Variants in AMZ1 observed in about 807,000 individuals in gnomAD.
AMZ1 encodes archaelysin family metallopeptidase 1, also known as archaemetzincin-1.
In AMZ1, 39 loss-of-function variants were observed where a neutral mutation model predicts 29.9. That is an observed-to-expected ratio of 1.30 (90% CI 1.01 to 1.70). The LOEUF (loss-of-function observed/expected upper bound fraction) is 1.70. Ranked by LOEUF, AMZ1 falls within the 40% of genes most tolerant of loss-of-function variation. The probability of loss-of-function intolerance (pLI) is 0.00; values close to 1 mark genes in which losing one functional copy is unlikely to be tolerated. For synonymous variants in AMZ1, 458 were observed against 304.0 expected (o/e 1.51, Z -5.27); for missense variants, 1,041 against 680.6 (o/e 1.53, Z -5.89).
intron 4 of AMZ1, among the ~76,000 whole-genome samples, chr7:2,748,315 T>C (rs1056415198): frequency 2.5e-4 from 38 of 152,108 alleles, no homozygotes; most frequent in Non-Finnish European, 4.6e-4. Context: ...AACAGACACA[T>C]AGACCAATGG....
At chr7:2,722,704 A>T (rs896714677), downstream of AMZ1, among the ~76,000 whole-genome samples, 1 of 152,170 alleles carries the variant, frequency 6.6e-6, no homozygotes, top group Non-Finnish European at 1.5e-5. Context: ...GGGTGCAGCG[A>T]CTCATGCCTG....
At chr7:2,725,966 C>T (rs550246214) in intron 4 of AMZ1, among the ~76,000 whole-genome samples, 5 of 152,354 alleles carry the variant, frequency 3.3e-5, no homozygotes, top group South Asian at 2.1e-4. Context: ...CTCCCCTGAA[C>T]GCCAAGGCTT....
At chr7:2,759,879 C>T (rs558231313), upstream of AMZ1, among the ~76,000 whole-genome samples, 27 of 152,372 alleles carry the variant, frequency 1.8e-4, no homozygotes, top group African/African-American at 5.5e-4. Flanking sequence ...CAGAGCCCCA[C>T]GGCCAGCTGA....
At chr7:2,736,746 G>A (rs1445244562) in intron 4 of AMZ1, among the ~76,000 whole-genome samples, 12 of 152,188 alleles carry the variant, frequency 7.9e-5, no homozygotes, top group Admixed American at 7.8e-4. Context: ...ACACACGCTC[G>A]GCTTGCTGCC....
Position 2,712,986 on chromosome 7 carries a change from G to GAGCCACCACCCAGGCA in AMZ1, c.*108_*109insAGCCACCACCCAGGCA. On this transcript the variant is annotated 3_prime_UTR_variant, in exon 7 of 7. Transcript: ENST00000683327. Reference sequence around the variant, plus strand: ...AGGGATAAAGAGGAAGGGTCTGCCTGGGTGGTGGCTCAGGCCTGTCATCCC... The same window carrying GAGCCACCACCCAGGCA: ...AGGGATAAAGAGGAAGGGTCTGCCTGAGCCACCACCCAGGCAGGTGGTGGCTCAGGCCTGTCATCCC... 2 of 1,264,120 alleles carry GAGCCACCACCCAGGCA rather than the reference G, an allele frequency of 1.6e-6. No homozygotes were observed. The highest frequency in any genetic ancestry group is 2.1e-6 in the Non-Finnish European group (2 of 968,950). 78.3% of individuals were successfully genotyped at this position (1,264,120 alleles called of 1,614,324 possible). A position where few individuals can be genotyped will look rare whatever the true frequency, so the allele number is the denominator to read the frequency against.
intron 5 of AMZ1, 62 bp downstream of exon 5, chr7:2,709,306 C>T (rs1788593011): frequency 2.1e-6 from 3 of 1,429,768 alleles, no homozygotes; most frequent in Admixed American, 2.9e-5. Context: ...GCCCTTGGTG[C>T]CTCGGTCTGT....
intron 4 of AMZ1, among the ~76,000 whole-genome samples, chr7:2,727,856 G>C (rs1231061769): frequency 2.0e-5 from 3 of 151,776 alleles, no homozygotes; most frequent in Admixed American, 6.6e-5. Context: ...AGGAGATAGA[G>C]ACCACCCTGG....
intron 1 of AMZ1, among the ~76,000 whole-genome samples, chr7:2,689,357 G>A (rs926690187): frequency 1.3e-5 from 2 of 149,164 alleles, no homozygotes; most frequent in African/African-American, 4.9e-5. Flanking sequence ...TGCTTAGAGC[G>A]GCAGAACCTC....
chr7:2,733,535 T>C, intron 4 of AMZ1: 1 of 1,538,724 alleles, frequency 6.5e-7, no homozygotes, highest in Non-Finnish European at 9.0e-7. Flanking sequence ...CAGCTCAGTC[T>C]GGACTGAGGA....
At chr7:2,763,173 G>A, upstream of AMZ1, 2 of 822,058 alleles carry the variant, frequency 2.4e-6, no homozygotes, top group Non-Finnish European at 3.1e-6. Context: ...AGGTTAGCAG[G>A]ACTTCACAAG....
At chr7:2,685,426 C>T (rs556424680), upstream of AMZ1, among the ~76,000 whole-genome samples, 3 of 151,772 alleles carry the variant, frequency 2.0e-5, no homozygotes, top group African/African-American at 4.8e-5. Context: ...GGCGAGGTGA[C>T]GGGCACCTGT....
intron 4 of AMZ1, among the ~76,000 whole-genome samples, chr7:2,737,298 T>G (rs1291824033): frequency 1.7e-5 from 2 of 114,354 alleles, no homozygotes; most frequent in African/African-American, 7.1e-5. Context: ...TGTTTTTTTT[T>G]TTTTTTTTGA....
chr7:2,696,741 C>G (rs1256605796), intron 1 of AMZ1, among the ~76,000 whole-genome samples: 2 of 151,872 alleles, frequency 1.3e-5, no homozygotes, highest in African/African-American at 2.4e-5. Flanking sequence ...CAAAAATTAG[C>G]TGGGCATGGT....
chr7:2,696,304 T>G (rs1405956110), intron 1 of AMZ1, among the ~76,000 whole-genome samples: 1 of 145,602 alleles, frequency 6.9e-6, no homozygotes, highest in African/African-American at 2.5e-5. Flanking sequence ...TCACCCAGGC[T>G]GGAGTGCAGT....
chr7:2,762,852 G>A, upstream of AMZ1: 1 of 1,480,996 alleles, frequency 6.8e-7, no homozygotes, highest in East Asian at 2.6e-5. Flanking sequence ...CTCCGAAGCA[G>A]GAGAGGGCCA....
At chr7:2,750,918 A>G (rs1791004093) in intron 4 of AMZ1, among the ~76,000 whole-genome samples, 1 of 152,232 alleles carries the variant, frequency 6.6e-6, no homozygotes, top group Non-Finnish European at 1.5e-5. Context: ...ACAGATGGGA[A>G]CAGAAGCGAG....
intron 1 of AMZ1, among the ~76,000 whole-genome samples, chr7:2,689,521 TCC>T (rs2115043776): frequency 6.6e-6 from 1 of 152,254 alleles, no homozygotes; most frequent in African/African-American, 2.4e-5. Flanking sequence ...CTACCCCCTG[TCC>T]CCGTCAGAAC....
In AMZ1 at chr7:2,715,936, CA is replaced by C; in HGVS notation, c.*3061del. 1 of 151,804 alleles carries C rather than the reference CA, an allele frequency of 6.6e-6. No homozygotes were observed. The highest frequency in any genetic ancestry group is 1.9e-4 in the East Asian group (1 of 5,180). The allele number at this position is 151,804 out of a possible 1,614,324, so 9.4% of individuals were successfully genotyped here. A position where few individuals can be genotyped will look rare whatever the true frequency, so the allele number is the denominator to read the frequency against. The stretch of plus-strand genomic sequence containing the variant: ...GGTTCTTTCAGTTTTTAAACACGTG[CA>C]AAGTCCACTGAATTGCTTTCTCGTC... On this transcript the variant is annotated 3_prime_UTR_variant, in exon 7 of 7. Coordinates refer to ENST00000683327, the MANE Select transcript of AMZ1 (RefSeq NM_001384743.1).
intron 3 of AMZ1, among the ~76,000 whole-genome samples, chr7:2,707,050 G>T (rs560782115): frequency 6.6e-6 from 1 of 152,094 alleles, no homozygotes; most frequent in African/African-American, 2.4e-5. Context: ...CGAGGCAGAC[G>T]GATCACGAGG....
Sources: allele counts gnomAD v4.1 joint callset (sites outside exome capture counted in the v4.1 genomes callset), GRCh38; gene constraint gnomAD v4.1.1; transcripts MANE v1.5; gene names NCBI Gene and HGNC (gene_info 2026-07-23, HGNC 2026-07-21).